ZYG11A: variants seen among roughly 807,000 people sequenced by gnomAD.
ZYG11A encodes the protein protein zyg-11 homolog A.
A neutral mutation model predicts 77.2 loss-of-function variants in ZYG11A; 62 were observed. The ratio of observed to expected loss-of-function variants is 0.80; its 90% CI spans 0.65 to 0.99. The LOEUF is 0.99. Ranked by LOEUF, ZYG11A falls within the 50% of genes least tolerant of loss-of-function variation. The probability of loss-of-function intolerance (pLI) is 0.00; values close to 1 mark genes in which losing one functional copy is unlikely to be tolerated. For synonymous variants in ZYG11A, 315 were observed against 324.6 expected, an observed-to-expected ratio of 0.97 and a Z score of 0.32; for missense variants, 828 against 896.8, an observed-to-expected ratio of 0.92 and a Z score of 0.98.
chr1:52,846,355 TA>T (rs1645583602), intron 1 of ZYG11A, among the ~76,000 whole-genome samples: 1 of 75,190 alleles, frequency 1.3e-5, no homozygotes, highest in African/African-American at 6.0e-5. Context: ...TATATATATA[TA>T]TATATATATA....
At position 52,857,372 on chromosome 1, in the gene ZYG11A, G is replaced by GATAT. The variant is rs768700202; in HGVS notation, c.632_635dup (p.Ser213TyrfsTer3). 1 of 1,551,786 alleles carries GATAT rather than the reference G, an allele frequency of 6.4e-7. No individual in the cohort carries two copies. The highest frequency in any genetic ancestry group is 1.2e-5 in the South Asian group (1 of 84,052). On this transcript the variant is annotated frameshift_variant, in exon 3 of 14. Coordinates refer to ENST00000371528, the MANE Select transcript of ZYG11A (RefSeq NM_001004339.3). LOFTEE classifies it high-confidence loss of function. ...TCAGTTACCAAGACTGGAAAGCTTA[G>GATAT]ATATCTCTAATACTCTAGTCACTGA... is the stretch of plus-strand genomic sequence containing the variant.
chr1:52,859,428 C>T (rs181535382), intron 3 of ZYG11A, among the ~76,000 whole-genome samples: 99 of 152,082 alleles, frequency 6.5e-4, no homozygotes, highest in Non-Finnish European at 1.1e-3. Flanking sequence ...CTCCGCCTCC[C>T]GGGTTCACGC....
At chr1:52,885,798 C>T in intron 11 of ZYG11A, 35 bp from the exon 12 acceptor site, 17 of 1,458,112 alleles carry the variant, frequency 1.2e-5, no homozygotes, top group Non-Finnish European at 1.6e-5. Flanking sequence ...ATGGATTATT[C>T]AAATGTTGGT....
At chr1:52,861,064 A>G (rs1273247233) in intron 4 of ZYG11A, among the ~76,000 whole-genome samples, 193 bp downstream of exon 4, 3 of 152,228 alleles carry the variant, frequency 2.0e-5, no homozygotes, top group African/African-American at 7.2e-5. Context: ...ATGTGGAATA[A>G]ATTAGAATCA....
At chr1:52,845,561 C>T (rs1378938230) in intron 1 of ZYG11A, among the ~76,000 whole-genome samples, 1 of 151,280 alleles carries the variant, frequency 6.6e-6, no homozygotes, top group African/African-American at 2.4e-5. Flanking sequence ...TGGCCTCAAG[C>T]GACCTGCCCA....
chr1:52,845,728 G>A (rs1645561134), intron 1 of ZYG11A, among the ~76,000 whole-genome samples: 1 of 151,364 alleles, frequency 6.6e-6, no homozygotes, highest in Non-Finnish European at 1.5e-5. Flanking sequence ...TTTGCAGGGA[G>A]GAGAGAGTCT....
intron 3 of ZYG11A, among the ~76,000 whole-genome samples, chr1:52,857,951 G>A (rs752489651): frequency 6.6e-6 from 1 of 151,840 alleles, no homozygotes; most frequent in Non-Finnish European, 1.5e-5. Context: ...TTGAGATGGA[G>A]TAGTTTTGTA....
At chr1:52,843,302 C>T (rs953869480) in intron 1 of ZYG11A, among the ~76,000 whole-genome samples, 6 of 152,228 alleles carry the variant, frequency 3.9e-5, no homozygotes, top group African/African-American at 1.4e-4. Context: ...GTGCGGGCTG[C>T]TGTGAGCTTA....
At chr1:52,858,377 C>CAA (rs1202868506) in intron 3 of ZYG11A, among the ~76,000 whole-genome samples, 1 of 141,072 alleles carries the variant, frequency 7.1e-6, no homozygotes, top group Non-Finnish European at 1.5e-5. Flanking sequence ...AACGCAGTCT[C>CAA]AAAAAAAAAA....
chr1:52,881,253 C>T (rs548231538), intron 10 of ZYG11A: 1 of 419,618 alleles, frequency 2.4e-6, no homozygotes, highest in Non-Finnish European at 4.2e-6. Context: ...AGTACTGTGC[C>T]TGGCACTTAG....
At chr1:52,870,582 A>T (rs1646139182) in intron 8 of ZYG11A, among the ~76,000 whole-genome samples, 1 of 152,220 alleles carries the variant, frequency 6.6e-6, no homozygotes. Context: ...TTGAGCGCTG[A>T]GTGAACGAGA....
intron 3 of ZYG11A, among the ~76,000 whole-genome samples, chr1:52,859,668 T>C (rs1415615614): frequency 4.3e-5 from 1 of 23,488 alleles, no homozygotes; most frequent in Non-Finnish European, 9.5e-5. Context: ...GTGTATTGCC[T>C]TTTTTTTTTT....
intron 5 of ZYG11A, among the ~76,000 whole-genome samples, chr1:52,865,249 C>G (rs957417198): frequency 1.3e-5 from 2 of 151,930 alleles, no homozygotes; most frequent in Non-Finnish European, 2.9e-5. Context: ...CTCCCTCCCC[C>G]ACAACACACA....
At chr1:52,874,525 T>G (rs1571869045) in intron 8 of ZYG11A, among the ~76,000 whole-genome samples, 1 of 152,178 alleles carries the variant, frequency 6.6e-6, no homozygotes, top group South Asian at 2.1e-4. Context: ...GTGCTATGAT[T>G]ATAGGCGTGA....
chr1:52,881,980 A>C (rs796870645), intron 11 of ZYG11A, among the ~76,000 whole-genome samples: 23 of 151,714 alleles, frequency 1.5e-4, no homozygotes, highest in African/African-American at 5.6e-4. Context: ...CTGCAGCCTC[A>C]ACCTCGGAGG....
intron 8 of ZYG11A, among the ~76,000 whole-genome samples, chr1:52,869,747 A>G (rs1447558675): frequency 6.6e-6 from 1 of 151,772 alleles, no homozygotes; most frequent in African/African-American, 2.4e-5. Flanking sequence ...CCCGTTCTCA[A>G]TGAGCTGTTG....
chr1:52,863,519 G>GC (rs1448035525), intron 4 of ZYG11A, among the ~76,000 whole-genome samples: 2 of 151,902 alleles, frequency 1.3e-5, no homozygotes, highest in African/African-American at 4.8e-5. Context: ...CCCAGAAATG[G>GC]CCACTCTTTC....
chr1:52,875,387 C>T (rs116728894), intron 8 of ZYG11A, among the ~76,000 whole-genome samples: 2,215 of 152,272 alleles, frequency 0.015, 63 homozygotes, highest in African/African-American at 0.051. Flanking sequence ...AGATCGACTA[C>T]ATTAAGACAT....
At chr1:52,844,047 C>T (rs1164367630) in intron 1 of ZYG11A, among the ~76,000 whole-genome samples, 1 of 152,168 alleles carries the variant, frequency 6.6e-6, no homozygotes, top group African/African-American at 2.4e-5. Context: ...TGCTAGGCTC[C>T]ATTTTACCGA....
Sources: allele counts gnomAD v4.1 joint callset (sites outside exome capture counted in the v4.1 genomes callset), GRCh38; gene constraint gnomAD v4.1.1; transcripts MANE v1.5; gene names NCBI Gene and HGNC (gene_info 2026-07-23, HGNC 2026-07-21).